Variants in FETUB observed in about 807,000 individuals in gnomAD.
FETUB encodes fetuin-B.
In FETUB, 28 loss-of-function variants were observed where a neutral mutation model predicts 30.9. The observed-to-expected ratio is 0.90, with a 90% CI of 0.67 to 1.24. The LOEUF is 1.24. Ranked by LOEUF, FETUB falls within the 50% of genes most tolerant of loss-of-function variation. The pLI, the probability that FETUB is intolerant of heterozygous loss-of-function variation, is 0.00. For missense variants in FETUB, 469 were observed against 455.3 expected (o/e 1.03, Z -0.27); for synonymous variants, 186 against 175.9 (o/e 1.06, Z -0.45).
chr3:186,644,885 T>C lies in FETUB; in HGVS notation c.559T>C (p.Tyr187His). ...KYNNENTSKQ[Y>H]SLFKVTRASS... ...CAACAATGAGAACACATCCAAGCAG[T>C]ATTCTCTCTTCAAAGTCACCAGGGC... is the stretch of plus-strand genomic sequence containing the variant. The change falls in exon 4 of 7, where the codon TAT becomes CAT. Residue 187 changes from tyrosine to histidine, a missense_variant. Tyr to His is a moderately conservative substitution (Grantham distance 83). Coordinates refer to ENST00000265029, the MANE Select transcript of FETUB (RefSeq NM_014375.3). 6.2e-7 allele frequency: 1 copy of C among 1,613,416 alleles called. No individual in the cohort carries two copies. The highest frequency in any genetic ancestry group is 8.5e-7 in the Non-Finnish European group (1 of 1,179,836).
intron 3 of FETUB, among the ~76,000 whole-genome samples, chr3:186,643,250 T>A (rs1717216995): frequency 1.3e-5 from 2 of 152,200 alleles, no homozygotes; most frequent in Non-Finnish European, 2.9e-5. Flanking sequence ...AAGGTGTCAA[T>A]AATGTTGTTA....
Position 186,646,276 on chromosome 3 carries a change from A to G in FETUB, c.623A>G (p.Glu208Gly), listed in dbSNP as rs1293457641. 6.2e-7 allele frequency: 1 copy of G among 1,613,676 alleles called. No homozygotes were observed. The highest frequency in any genetic ancestry group is 8.5e-7 in the Non-Finnish European group (1 of 1,179,786). The stretch of plus-strand genomic sequence containing the variant: ...GTGGTCGGCCCTTCTTACTTTGTGG[A>G]ATACTTAATTAAAGAATCACCATGT... ...QWVVGPSYFVEYLIKESPCTK... is the reference protein window; with the variant it reads ...QWVVGPSYFVGYLIKESPCTK... Residue 208 changes from glutamate (E) to glycine (G), a missense_variant, in exon 5 of 7, where the codon GAA becomes GGA. Coordinates refer to ENST00000265029, the MANE Select transcript of FETUB (RefSeq NM_014375.3).
At chr3:186,644,942 C>G in intron 4 of FETUB, 22 bp downstream of exon 4, 1 of 1,590,874 alleles carries the variant, frequency 6.3e-7, no homozygotes, top group Non-Finnish European at 8.6e-7. Flanking sequence ...ACTGCCCAAG[C>G]CAGTTACACA....
At chr3:186,645,324 C>T (rs1407006097) in intron 4 of FETUB, among the ~76,000 whole-genome samples, 1 of 152,116 alleles carries the variant, frequency 6.6e-6, no homozygotes, top group Non-Finnish European at 1.5e-5. Context: ...AAAATGAAGG[C>T]TCATTTGTAT....
chr3:186,649,020 T>C (rs1717774930), intron 5 of FETUB, among the ~76,000 whole-genome samples: 1 of 152,206 alleles, frequency 6.6e-6, no homozygotes, highest in Admixed American at 6.5e-5. Flanking sequence ...TCAGCACACT[T>C]ATAAAGTCCC....
Position 186,652,819 on chromosome 3 carries a change from C to G in FETUB, c.*188C>G. 3 of 643,612 alleles carry G rather than the reference C, an allele frequency of 4.7e-6. No homozygotes were observed. The highest frequency in any genetic ancestry group is 7.8e-6 in the Non-Finnish European group (3 of 385,334). 39.9% of individuals were successfully genotyped at this position (643,612 alleles called of 1,614,324 possible). A position where few individuals can be genotyped will look rare whatever the true frequency, so the allele number is the denominator to read the frequency against. On this transcript the variant is annotated 3_prime_UTR_variant, in exon 7 of 7. Transcript: ENST00000265029. The stretch of plus-strand genomic sequence containing the variant: ...GACTGAGCCCTCGGCTTGGGCTGCA[C>G]TCTACCCTGTACACTGCCTTGTACC...
upstream of FETUB, chr3:186,640,223 T>TA: frequency 1.8e-6 from 1 of 543,642 alleles, no homozygotes; most frequent in Non-Finnish European, 3.3e-6. Flanking sequence ...TTGGGAAACT[T>TA]AAATTCATTT....
rs199634697 is a variant in FETUB at position 186,644,843 on chromosome 3, G to A, written c.517G>A (p.Glu173Lys). 33 of 1,613,846 alleles carry A rather than the reference G, an allele frequency of 2.0e-5. No homozygotes were observed. The highest frequency in any genetic ancestry group is 8.3e-5 in the Admixed American group (5 of 60,004). ...SNHQVLEAAT[E>K]SLAKYNNENT... ...TCACCAAGTGCTGGAGGCTGCCACC[G>A]AGTCTCTTGCGAAATACAACAATGA... The change falls in exon 4 of 7, where the codon GAG (glutamate) becomes AAG (lysine). Residue 173 changes from glutamate to lysine, a missense_variant. By Grantham distance (56) the Glu-to-Lys change is moderately conservative. Coordinates refer to ENST00000265029, the MANE Select transcript of FETUB (RefSeq NM_014375.3).
Position 186,640,646 on chromosome 3 carries a change from G to A in FETUB, c.186G>A (p.Leu62=). ...AAGACAGAAAGGATGGCTATGTGCTGAGACTCAACCGAGTGAACGACGCCC... is the reference window on the plus strand; with the variant it reads ...AAGACAGAAAGGATGGCTATGTGCTAAGACTCAACCGAGTGAACGACGCCC... ...INKDRKDGYV[L]RLNRVNDAQE... is the part of the protein sequence containing the mutation. Residue 62 remains leucine (L), a synonymous_variant, in exon 1 of 7, where the codon CTG becomes CTA. Transcript: ENST00000265029. The A allele has an allele frequency of 1.2e-6, 2 of 1,610,606 alleles. No individual in the cohort carries two copies. Among genetic ancestry groups the A allele is most frequent in the Non-Finnish European group, 1.7e-6 (2 of 1,176,824 alleles).
rs1476748311 is a variant in FETUB, at chr3:186,652,715, C to A, written c.*84C>A. 1 of 1,479,650 alleles carries A rather than the reference C, an allele frequency of 6.8e-7. No individual in the cohort carries two copies. The highest frequency in any genetic ancestry group is 9.0e-7 in the Non-Finnish European group (1 of 1,113,350). 91.7% of individuals were successfully genotyped at this position (1,479,650 alleles called of 1,614,324 possible). On this transcript the variant is annotated 3_prime_UTR_variant, in exon 7 of 7. Transcript: ENST00000265029. Reference sequence around the variant, plus strand: ...GGACGATGGACAGAGACAGAGCGTGCACACGTAGAGTGGCTAGTGAAGGAC... The same window carrying A: ...GGACGATGGACAGAGACAGAGCGTGAACACGTAGAGTGGCTAGTGAAGGAC...
rs142401278 is a variant in FETUB, at chr3:186,652,353, C to A, written c.871C>A (p.Pro291Thr). 5.7e-5 allele frequency: 92 copies of A among 1,607,238 alleles called. No individual in the cohort carries two copies. Among genetic ancestry groups the A allele is most frequent in the Admixed American group, 1.3e-4 (8 of 59,808 alleles). ...VEESQQKNTP[P>T]TDSPSKAGPR... ...AGAATCCCAGCAGAAAAACACCCCC[C>A]CAACAGACTCCCCCTCCAAAGCTGG... is the stretch of plus-strand genomic sequence containing the variant. The change falls in exon 7 of 7, where the codon CCA (proline) becomes ACA (threonine). Residue 291 changes from proline to threonine, a missense_variant. By Grantham distance (38) the Pro-to-Thr change is conservative (BLOSUM62 -1). Transcript: ENST00000265029.
chr3:186,650,111 G>A (rs1484709267), intron 5 of FETUB, among the ~76,000 whole-genome samples: 1 of 131,102 alleles, frequency 7.6e-6, no homozygotes, highest in Non-Finnish European at 1.5e-5. Flanking sequence ...GAATAGTGCT[G>A]TGATAAATAT....
At chr3:186,647,980 G>GAAC (rs911816773) in intron 5 of FETUB, among the ~76,000 whole-genome samples, 2 of 151,146 alleles carry the variant, frequency 1.3e-5, no homozygotes, top group African/African-American at 4.9e-5. Context: ...AAATAATCTT[G>GAAC]AACAACAACA....
intron 5 of FETUB, among the ~76,000 whole-genome samples, chr3:186,650,755 A>G (rs1418025345): frequency 6.6e-6 from 1 of 152,214 alleles, no homozygotes; most frequent in Non-Finnish European, 1.5e-5. Context: ...TCTAACTATT[A>G]CATTTGTAAT....
At chr3:186,642,254 A>G in intron 2 of FETUB, 1 of 516,010 alleles carries the variant, frequency 1.9e-6, no homozygotes, top group South Asian at 2.3e-5. Flanking sequence ...ATACACAGTC[A>G]CACGTGTTGG....
chr3:186,652,456 C>T lies in FETUB; in HGVS notation c.974C>T (p.Pro325Leu). ...GAAAAGGGCCCTCAGGAGGCCTTTC[C>T]TGTGCATCTGGACCTAACCACGAAT... ...SQEKGPQEAF[P>L]VHLDLTTNPQ... Residue 325 changes from proline to leucine, a missense_variant, in exon 7 of 7, where the codon CCT becomes CTT. By Grantham distance (98) the Pro-to-Leu change is moderately conservative. Transcript: ENST00000265029. The T allele has an allele frequency of 6.2e-7, 1 of 1,614,166 alleles. No individual in the cohort carries two copies. The highest frequency in any genetic ancestry group is 8.5e-7 in the Non-Finnish European group (1 of 1,180,028).
chr3:186,644,853 C>A lies in FETUB; in HGVS notation c.527C>A (p.Ala176Glu), dbSNP rs149523201. 1.2e-6 allele frequency: 2 copies of A among 1,613,858 alleles called. No individual in the cohort carries two copies. The highest frequency in any genetic ancestry group is 2.2e-5 in the East Asian group (1 of 44,870). The change falls in exon 4 of 7, where the codon GCG becomes GAG. Residue 176 changes from alanine (A) to glutamate (E), a missense_variant. Transcript: ENST00000265029. ...QVLEAATESL[A>E]KYNNENTSKQ... ...CTGGAGGCTGCCACCGAGTCTCTTG[C>A]GAAATACAACAATGAGAACACATCC...
chr3:186,645,767 G>C (rs942654877), intron 4 of FETUB, among the ~76,000 whole-genome samples: 11 of 117,326 alleles, frequency 9.4e-5, no homozygotes, highest in African/African-American at 3.8e-4. Context: ...TCACTCTATC[G>C]CTAGGATAGA....
In FETUB at chr3:186,652,189, T is replaced by C. The variant is rs200453608; in HGVS notation, c.781-74T>C. 3,144 of 1,472,854 alleles carry C rather than the reference T, an allele frequency of 2.1e-3. 8 individuals are homozygous for C. The highest frequency in any genetic ancestry group is 2.4e-3 in the Non-Finnish European group (2,621 of 1,101,264). The allele number at this position is 1,472,854 out of a possible 1,614,324, so 91.2% of individuals were successfully genotyped here. On this transcript the variant is annotated intron_variant, in intron 6 of 6. Coordinates refer to ENST00000265029, the MANE Select transcript of FETUB (RefSeq NM_014375.3). ...AAATGTTCCAACAGAAAGGCACAGA[T>C]CAGCTTAGGCTGGTACTAGGCATGG...
Sources: allele counts gnomAD v4.1 joint callset (sites outside exome capture counted in the v4.1 genomes callset), GRCh38; gene constraint gnomAD v4.1.1; transcripts MANE v1.5; gene names NCBI Gene and HGNC (gene_info 2026-07-23, HGNC 2026-07-21).